Variants in SULF2 observed in about 807,000 individuals in gnomAD.
SULF2 encodes the protein sulfatase 2.
A neutral mutation model predicts 107.7 loss-of-function variants in SULF2; 52 were observed. The observed-to-expected ratio is 0.48, with a 90% CI of 0.39 to 0.61. The LOEUF is 0.61. SULF2 is among the 20% of genes least tolerant of loss of function. SULF2 has a pLI of 0.00. For missense variants in SULF2, 993 were observed against 1,177.3 expected (o/e 0.84, Z 2.29); for synonymous variants, 460 against 464.3 (o/e 0.99, Z 0.12).
At position 47,678,617 on chromosome 20, in the gene SULF2, C is replaced by CT; in HGVS notation, c.1193+58dup. On this transcript the variant is annotated intron_variant, in intron 8 of 20. Coordinates refer to ENST00000688720, the MANE Select transcript of SULF2 (RefSeq NM_001387048.1). The surrounding 1 kb of genome is among the most constrained non-coding windows in gnomAD (Gnocchi z 4.5). ...CGTTCTAGACCCACAGGGTTTTGCTCTGAGTTCCCGCAGGTCAATGTCCCG... is the reference window on the plus strand; with the variant it reads ...CGTTCTAGACCCACAGGGTTTTGCTCTTGAGTTCCCGCAGGTCAATGTCCCG... 6.2e-7 allele frequency: 1 copy of CT among 1,601,824 alleles called. No homozygotes were observed. Among genetic ancestry groups the CT allele is most frequent in the African/African-American group, 1.3e-5 (1 of 74,856 alleles).
chr20:47,723,833 G>A (rs1431609580), intron 3 of SULF2, among the ~76,000 whole-genome samples: 2 of 152,144 alleles, frequency 1.3e-5, no homozygotes, highest in East Asian at 3.8e-4. Flanking sequence ...ATTATAATGT[G>A]ATAATATTAG....
chr20:47,781,908 G>A (rs561624239), intron 1 of SULF2, among the ~76,000 whole-genome samples: 2 of 152,308 alleles, frequency 1.3e-5, no homozygotes, highest in South Asian at 2.1e-4. Flanking sequence ...AGGCAGAGGA[G>A]CGGTGGATAG....
chr20:47,742,119 G>T (rs541677516), intron 2 of SULF2, among the ~76,000 whole-genome samples: 1 of 152,362 alleles, frequency 6.6e-6, no homozygotes, highest in South Asian at 2.1e-4. Context: ...TATGTGCTAA[G>T]CCTCCCCTTG....
At chr20:47,682,710 G>A (rs1046178193) in intron 7 of SULF2, among the ~76,000 whole-genome samples, 73 of 152,228 alleles carry the variant, frequency 4.8e-4, no homozygotes, top group African/African-American at 1.7e-3. Flanking sequence ...ATTCCCACCC[G>A]CTGGTGACAT....
At position 47,677,018 on chromosome 20, in the gene SULF2, G is replaced by T; in HGVS notation, c.1250+60C>A. ...AGCATGATGCGGTGGGGCTACAGAA[G>T]CTTCCTGGGCAGAGGGAGGGAGGTG... On this transcript the variant is annotated intron_variant, in intron 9 of 20. Coordinates refer to ENST00000688720, the MANE Select transcript of SULF2 (RefSeq NM_001387048.1). The T allele has an allele frequency of 2.5e-6, 4 of 1,584,748 alleles. No individual in the cohort carries two copies. In the South Asian group the frequency reaches 4.4e-5, roughly 18 times the overall value.
chr20:47,764,209 T>TA (rs756457563), intron 1 of SULF2, among the ~76,000 whole-genome samples: 16 of 152,254 alleles, frequency 1.1e-4, no homozygotes, highest in Non-Finnish European at 2.1e-4. Context: ...CAGTAGCACT[T>TA]ACCACCTCTC....
rs372325728 is a variant in SULF2, at chr20:47,676,512, C to T, written c.1362G>A (p.Ala454=). 44 of 1,606,860 alleles carry T rather than the reference C, an allele frequency of 2.7e-5. No homozygotes were observed. The highest frequency in any genetic ancestry group is 2.4e-4 in the Admixed American group (14 of 59,532). ...TTCTTACCTGTCCCAGCTGCTCACA[C>T]GCCGTCTGGTACTCAGCACGCTGAC... The part of the protein sequence containing the change: ...DLCQRAEYQT[A]CEQLGQKWQC... Residue 454 remains alanine (A), a synonymous_variant, in exon 10 of 21, where the codon GCG becomes GCA. Coordinates refer to ENST00000688720, the MANE Select transcript of SULF2 (RefSeq NM_001387048.1).
chr20:47,765,684 G>A (rs1024462982), intron 1 of SULF2, among the ~76,000 whole-genome samples: 2 of 152,166 alleles, frequency 1.3e-5, no homozygotes, highest in South Asian at 2.1e-4. Context: ...AATCCTGCCC[G>A]ATTACAACAG....
intron 1 of SULF2, among the ~76,000 whole-genome samples, chr20:47,759,167 C>A (rs1201910714): frequency 6.6e-6 from 1 of 152,352 alleles, no homozygotes; most frequent in African/African-American, 2.4e-5. Context: ...AAGTGCCAGG[C>A]ACTCGCCTCA....
At chr20:47,775,921 A>G (rs1355013748) in intron 1 of SULF2, among the ~76,000 whole-genome samples, 1 of 152,174 alleles carries the variant, frequency 6.6e-6, no homozygotes, top group African/African-American at 2.4e-5. Flanking sequence ...ATGTCCCTGG[A>G]AGTGTAGCCA....
intron 3 of SULF2, among the ~76,000 whole-genome samples, chr20:47,729,602 C>T (rs937314092): frequency 6.6e-6 from 1 of 151,886 alleles, no homozygotes; most frequent in African/African-American, 2.4e-5. Flanking sequence ...AAAAAAAAAT[C>T]AAGAATGGTG....
intron 4 of SULF2, among the ~76,000 whole-genome samples, chr20:47,695,757 C>A (rs553946987): frequency 2.0e-5 from 3 of 152,182 alleles, no homozygotes; most frequent in Non-Finnish European, 2.9e-5. Context: ...GGACTACAGG[C>A]ATGTGCCACC....
At chr20:47,686,063 T>C (rs2087993504) in intron 5 of SULF2, 1 of 152,280 alleles carries the variant, frequency 6.6e-6, no homozygotes, top group Non-Finnish European at 1.5e-5. Context: ...TTGTGAGCAC[T>C]GAGGGAGAGG....
At chr20:47,750,445 T>G (rs2090136049) in intron 2 of SULF2, among the ~76,000 whole-genome samples, 1 of 152,220 alleles carries the variant, frequency 6.6e-6, no homozygotes, top group Non-Finnish European at 1.5e-5. Flanking sequence ...CAGCACTTAC[T>G]ACTTTCCTCA....
rs1218644904 is a variant in SULF2, at chr20:47,683,181, G to A, written c.889-12C>T. 2.5e-6 allele frequency: 4 copies of A among 1,584,184 alleles called. No homozygotes were observed. The highest frequency in any genetic ancestry group is 3.5e-6 in the Non-Finnish European group (4 of 1,158,624). On this transcript the variant is annotated splice_polypyrimidine_tract_variant and intron_variant, in intron 6 of 20. Transcript: ENST00000688720. ...AGCATGTTGTAAATCTGCAACACGG[G>A]CGAGGAGGCAAGGGACAGTGGGGAC...
intron 1 of SULF2, among the ~76,000 whole-genome samples, chr20:47,765,480 A>G (rs1048941660): frequency 3.3e-5 from 5 of 151,458 alleles, no homozygotes; most frequent in Non-Finnish European, 7.4e-5. Flanking sequence ...GACGGGAAAC[A>G]CTCATGAGAG....
chr20:47,694,115 C>T lies in SULF2; in HGVS notation c.568-3820G>A, dbSNP rs2088293845. Among the ~76,000 whole-genome samples the T allele has an allele frequency of 2.0e-5, 3 of 152,272 alleles. No individual in the cohort carries two copies. The highest frequency in any genetic ancestry group is 4.4e-5 in the Non-Finnish European group (3 of 68,056). ...CTGCCTCCAAAGCTGCCACCCTGCT[C>T]CACCAGTGGGCAGTTAGTGCCAGGC... On this transcript the variant is annotated intron_variant, in intron 4 of 20. Coordinates refer to ENST00000688720, the MANE Select transcript of SULF2 (RefSeq NM_001387048.1). The surrounding 1 kb of genome is among the most constrained non-coding windows in gnomAD (Gnocchi z 4.4).
intron 2 of SULF2, among the ~76,000 whole-genome samples, chr20:47,753,872 G>A (rs930778260): frequency 6.6e-6 from 1 of 152,180 alleles, no homozygotes; most frequent in Non-Finnish European, 1.5e-5. Flanking sequence ...GTCTGCAAAC[G>A]AGACCTTTAC....
Position 47,780,459 on chromosome 20 carries a change from T to C in SULF2, c.-101+4884A>G, listed in dbSNP as rs142844991. Among the ~76,000 whole-genome samples the C allele has an allele frequency of 7.2e-5, 11 of 152,272 alleles. No individual in the cohort carries two copies. The East Asian group carries it at 2.1e-3, about 29-fold the overall frequency. On this transcript the variant is annotated intron_variant, in intron 1 of 20. Coordinates refer to ENST00000688720, the MANE Select transcript of SULF2 (RefSeq NM_001387048.1). ...TTCCAAGGCGGACTCCTTCCTAAAATCTAGGTCACAGTTCAAAGGTCACAT... is the reference window on the plus strand; with the variant it reads ...TTCCAAGGCGGACTCCTTCCTAAAACCTAGGTCACAGTTCAAAGGTCACAT...
Sources: allele counts gnomAD v4.1 joint callset (sites outside exome capture counted in the v4.1 genomes callset), GRCh38; gene constraint gnomAD v4.1.1; non-coding constraint Gnocchi (gnomAD v3.1); transcripts MANE v1.5; gene names NCBI Gene and HGNC (gene_info 2026-07-23, HGNC 2026-07-21).